ZNF124: variants seen among roughly 807,000 people sequenced by gnomAD.
The protein encoded by ZNF124 is zinc finger protein HZF-16.
Under a neutral mutation model 26.6 loss-of-function variants are expected in ZNF124, and 25 were observed. That is an observed-to-expected ratio of 0.94 (90% CI 0.68 to 1.31). The LOEUF (loss-of-function observed/expected upper bound fraction) is 1.31. Ranked by LOEUF, ZNF124 falls within the 40% of genes most tolerant of loss-of-function variation. The probability of loss-of-function intolerance (pLI) is 0.00; values close to 1 mark genes in which losing one functional copy is unlikely to be tolerated. For missense variants in ZNF124, 444 were observed against 422.2 expected (o/e 1.05, Z -0.45); for synonymous variants, 129 against 133.3 (o/e 0.97, Z 0.22).
In ZNF124 at chr1:247,159,694, A is replaced by T. The variant is rs1342395114; in HGVS notation, c.150T>A (p.Ala50=). The change falls in exon 2 of 4, where the codon GCT becomes GCA. Residue 50 remains alanine, a synonymous_variant. Coordinates refer to ENST00000543802, the MANE Select transcript of ZNF124 (RefSeq NM_001297568.2). ...DVMQETFRNL[A]SIGNKGEDQS... ...AAATATTGTGATTCTTACCTATGGA[A>T]GCCAGATTCCTGAAGGTTTCCTGCA... 1 of 1,611,134 alleles carries T rather than the reference A, an allele frequency of 6.2e-7. No individual in the cohort carries two copies. The highest frequency in any genetic ancestry group is 8.5e-7 in the Non-Finnish European group (1 of 1,179,336).
chr1:247,156,393 T>C lies in ZNF124; in HGVS notation c.*173A>G, dbSNP rs1558384389. 11 of 1,257,334 alleles carry C rather than the reference T, an allele frequency of 8.7e-6. No individual in the cohort carries two copies. Among genetic ancestry groups the C allele is most frequent in the African/African-American group, 1.5e-5 (1 of 64,746 alleles). The allele number at this position is 1,257,334 out of a possible 1,614,324, so 77.9% of individuals were successfully genotyped here. ...AAGTTTTCAAAAAGAAATGGAAAAA[T>C]TGAATGCTTTACCTTATTGCTTATA... On this transcript the variant is annotated 3_prime_UTR_variant, in exon 4 of 4. Transcript: ENST00000543802.
chr1:247,131,054 C>T (rs547460848), intron 3 of ZNF124, among the ~76,000 whole-genome samples: 11 of 152,286 alleles, frequency 7.2e-5, no homozygotes, highest in South Asian at 6.2e-4. Context: ...CCAACCTGGG[C>T]GACAATCAAA....
intron 3 of ZNF124, among the ~76,000 whole-genome samples, chr1:247,133,454 C>T (rs919359278): frequency 3.3e-5 from 5 of 152,022 alleles, no homozygotes; most frequent in Admixed American, 3.3e-4. Flanking sequence ...CATTAAGATA[C>T]TCCTCAAGAA....
chr1:247,128,227 T>A (rs1672258979), intron 3 of ZNF124, among the ~76,000 whole-genome samples: 1 of 151,950 alleles, frequency 6.6e-6, no homozygotes, highest in African/African-American at 2.4e-5. Context: ...AAACAGAGAA[T>A]AATCACCTGA....
intron 3 of ZNF124, among the ~76,000 whole-genome samples, chr1:247,131,508 C>T (rs1672367236): frequency 6.6e-6 from 1 of 152,204 alleles, no homozygotes; most frequent in Admixed American, 6.5e-5. Context: ...GCAGCCAGTA[C>T]TGGGACTCCA....
chr1:247,172,234 G>A (rs1674117760), upstream of ZNF124: 1 of 149,826 alleles, frequency 6.7e-6, no homozygotes, highest in Non-Finnish European at 1.5e-5. Context: ...CTTGCCTAGG[G>A]GACATTCATT....
chr1:247,130,618 T>C (rs1672329724), intron 3 of ZNF124, among the ~76,000 whole-genome samples: 1 of 152,264 alleles, frequency 6.6e-6, no homozygotes, highest in African/African-American at 2.4e-5. Context: ...TATGTTATCA[T>C]GTAAATAATT....
Position 247,156,571 on chromosome 1 carries a change from T to A in ZNF124, c.1051A>T (p.Met351Leu), listed in dbSNP as rs757671755. ...TGEKPYKCKK[M>L] ...AACTGTAGTGATTAAAGCCTTTACATTTTTTTACATTTATAGGGCTTTTCT... is the reference window on the plus strand; with the variant it reads ...AACTGTAGTGATTAAAGCCTTTACAATTTTTTACATTTATAGGGCTTTTCT... The change falls in exon 4 of 4, where the codon ATG becomes TTG. Residue 351 changes from methionine (M) to leucine (L), a missense_variant. Met to Leu is a conservative substitution (Grantham distance 15). Coordinates refer to ENST00000543802, the MANE Select transcript of ZNF124 (RefSeq NM_001297568.2). 1 of 1,528,632 alleles carries A rather than the reference T, an allele frequency of 6.5e-7. No individual in the cohort carries two copies. Among genetic ancestry groups the A allele is most frequent in the Admixed American group, 2.3e-5 (1 of 43,892 alleles). 94.7% of individuals were successfully genotyped at this position (1,528,632 alleles called of 1,614,324 possible). A position where few individuals can be genotyped will look rare whatever the true frequency, so the allele number is the denominator to read the frequency against.
At position 247,155,538 on chromosome 1, in the gene ZNF124, C is replaced by CTT. The variant is rs1446903181; in HGVS notation, c.*1026_*1027dup. On this transcript the variant is annotated 3_prime_UTR_variant, in exon 4 of 4. Coordinates refer to ENST00000543802, the MANE Select transcript of ZNF124 (RefSeq NM_001297568.2). ...AAAAAAGAAGAATACATATTTAACT[C>CTT]TTGTACTACTGCTTGAAGAATACTT... is the stretch of plus-strand genomic sequence containing the variant. Among the ~76,000 whole-genome samples the CTT allele has an allele frequency of 6.6e-6, 1 of 152,130 alleles. No homozygotes were observed. Among genetic ancestry groups the CTT allele is most frequent in the Non-Finnish European group, 1.5e-5 (1 of 68,022 alleles).
Position 247,168,464 on chromosome 1 carries a change from C to T in ZNF124, c.30+3384G>A, listed in dbSNP as rs186257142. ...ATGAGAATCCCTTGAACCCAGGCGA[C>T]GGAAGGTTGTAGTGAGCCAAGATCG... On this transcript the variant is annotated intron_variant, in intron 1 of 3. Transcript: ENST00000543802. The surrounding 1 kb of genome is among the most constrained non-coding windows in gnomAD (Gnocchi z 4.0). Among the ~76,000 whole-genome samples, 243 of 152,330 alleles carry T rather than the reference C, an allele frequency of 1.6e-3. No homozygotes were observed. The highest frequency in any genetic ancestry group is 5.4e-3 in the African/African-American group (224 of 41,578).
chr1:247,150,912 A>G (rs969922968), downstream of ZNF124, among the ~76,000 whole-genome samples: 14 of 151,946 alleles, frequency 9.2e-5, no homozygotes, highest in African/African-American at 3.4e-4. Context: ...TATTAAAATT[A>G]AGAGCTTATT....
chr1:247,160,676 C>T (rs1673430365), intron 1 of ZNF124, among the ~76,000 whole-genome samples: 1 of 152,114 alleles, frequency 6.6e-6, no homozygotes, highest in Admixed American at 6.5e-5. Context: ...GCAGTGGTGC[C>T]TAGGGGGATC....
intron 1 of ZNF124, among the ~76,000 whole-genome samples, chr1:247,165,608 C>T (rs144109275): frequency 2.0e-3 from 303 of 152,202 alleles, no homozygotes; most frequent in African/African-American, 6.9e-3. Flanking sequence ...AACAAACTAA[C>T]GGGATTAAAC....
chr1:247,141,076 C>A (rs546724038), intron 3 of ZNF124, among the ~76,000 whole-genome samples: 1 of 149,860 alleles, frequency 6.7e-6, no homozygotes, highest in Admixed American at 6.6e-5. Context: ...CAAGAGGAGC[C>A]GGTTAGCAAT....
Position 247,156,399 on chromosome 1 carries a change from G to A in ZNF124, c.*167C>T. On this transcript the variant is annotated 3_prime_UTR_variant, in exon 4 of 4. Transcript: ENST00000543802. The stretch of plus-strand genomic sequence containing the variant: ...TCAAAAAGAAATGGAAAAATTGAAT[G>A]CTTTACCTTATTGCTTATAGTCATA... The A allele has an allele frequency of 7.9e-7, 1 of 1,273,284 alleles. No homozygotes were observed. The highest frequency in any genetic ancestry group is 9.9e-7 in the Non-Finnish European group (1 of 1,010,246). 78.9% of individuals were successfully genotyped at this position (1,273,284 alleles called of 1,614,324 possible). A position where few individuals can be genotyped will look rare whatever the true frequency, so the allele number is the denominator to read the frequency against.
intron 3 of ZNF124, among the ~76,000 whole-genome samples, chr1:247,135,440 AATGG>A (rs548932783): frequency 9.2e-5 from 14 of 152,190 alleles, no homozygotes; most frequent in Non-Finnish European, 2.1e-4. Flanking sequence ...ATCTAGAAGA[AATGG>A]ATAAATTCTT....
chr1:247,170,433 C>A (rs1025956206), intron 1 of ZNF124, among the ~76,000 whole-genome samples: 2 of 150,678 alleles, frequency 1.3e-5, no homozygotes, highest in African/African-American at 4.9e-5. Context: ...CTGGGGAATA[C>A]GGTCATGGAT....
chr1:247,159,604 C>T (rs1673356103), intron 2 of ZNF124, 83 bp downstream of exon 2: 2 of 1,472,764 alleles, frequency 1.4e-6, no homozygotes, highest in Non-Finnish European at 1.9e-6. Flanking sequence ...TCCCTTTGTA[C>T]ATTCCAAATC....
intron 3 of ZNF124, among the ~76,000 whole-genome samples, chr1:247,128,611 A>G (rs61837913): frequency 0.39 from 51,462 of 130,438 alleles, 5,903 homozygotes; most frequent in East Asian, 0.49. Flanking sequence ...CTAATCCACT[A>G]GGACTTAGAT....
Sources: allele counts gnomAD v4.1 joint callset (sites outside exome capture counted in the v4.1 genomes callset), GRCh38; gene constraint gnomAD v4.1.1; non-coding constraint Gnocchi (gnomAD v3.1); transcripts MANE v1.5; gene names NCBI Gene and HGNC (gene_info 2026-07-23, HGNC 2026-07-21).